Variants in FTO observed in about 807,000 individuals in gnomAD.
FTO encodes the protein FTO alpha-ketoglutarate dependent dioxygenase.
A neutral mutation model predicts 63.9 loss-of-function variants in FTO; 47 were observed. That is an observed-to-expected ratio of 0.74 (90% CI 0.58 to 0.94). The LOEUF is 0.94. Ranked by LOEUF, FTO falls within the 40% of genes least tolerant of loss-of-function variation. The pLI, the probability that FTO is intolerant of heterozygous loss-of-function variation, is 0.00. For synonymous variants in FTO, 207 were observed against 224.4 expected, an observed-to-expected ratio of 0.92 and a Z score of 0.69; for missense variants, 562 against 618.1, an observed-to-expected ratio of 0.91 and a Z score of 0.96.
In FTO at chr16:53,760,077, A is replaced by G. The variant is rs559581647; in HGVS notation, c.46-50063A>G. Among the ~76,000 whole-genome samples, 7 of 152,184 alleles carry G rather than the reference A, an allele frequency of 4.6e-5. No homozygotes were observed. The South Asian group carries it at 1.5e-3, about 32-fold the overall frequency. On this transcript the variant is annotated intron_variant, in intron 1 of 8. Transcript: ENST00000471389. The stretch of plus-strand genomic sequence containing the variant: ...GTTTTCAGCTTCATGGTTGAAATGC[A>G]CCTTCCTTCAGAAGTTCCTGGTTAT...
intron 8 of FTO, chr16:53,937,178 T>C (rs1241892827): frequency 2.5e-6 from 1 of 398,424 alleles, no homozygotes; most frequent in Non-Finnish European, 4.4e-6. Context: ...GGTTTCCTTC[T>C]CCAAGCTTCG....
chr16:53,865,961 T>C lies in FTO; in HGVS notation c.896-7825T>C, dbSNP rs73607641. 1.3e-3 allele frequency among the ~76,000 whole-genome samples: 192 copies of C among 152,314 alleles called. 1 individual carries two copies. Among genetic ancestry groups the C allele is most frequent in the African/African-American group, 4.5e-3 (188 of 41,570 alleles). ...TGAAAAGGAATGTTGAGAGGAGACA[T>C]CCTTGTCTTTTTCTTACTCTGAGCA... is the stretch of plus-strand genomic sequence containing the variant. On this transcript the variant is annotated intron_variant, in intron 4 of 8. Coordinates refer to ENST00000471389, the MANE Select transcript of FTO (RefSeq NM_001080432.3).
intron 8 of FTO, among the ~76,000 whole-genome samples, chr16:54,065,197 A>C (rs1277341132): frequency 2.7e-5 from 4 of 150,064 alleles, no homozygotes; most frequent in Non-Finnish European, 4.4e-5. Flanking sequence ...TTGCTCCATC[A>C]TCCAGTCTGG....
At chr16:54,029,242 A>G (rs138876997) in intron 8 of FTO, among the ~76,000 whole-genome samples, 21 of 152,348 alleles carry the variant, frequency 1.4e-4, no homozygotes, top group African/African-American at 4.3e-4. Flanking sequence ...TCACTAAATG[A>G]ATGCTAGCCA....
intron 1 of FTO, among the ~76,000 whole-genome samples, chr16:53,776,490 C>T (rs562464788): frequency 6.6e-6 from 1 of 151,906 alleles, no homozygotes; most frequent in South Asian, 2.1e-4. Flanking sequence ...GCTTCAGAAC[C>T]CTTTTATACT....
At position 53,709,725 on chromosome 16, in the gene FTO, C is replaced by A. The variant is rs2075720614; in HGVS notation, c.45+5496C>A. Among the ~76,000 whole-genome samples the A allele has an allele frequency of 3.3e-5, 5 of 152,172 alleles. No individual in the cohort carries two copies. In the South Asian group the frequency reaches 1.0e-3, roughly 31 times the overall value. ...CTGTTTGTCCATATTCACAGGTTAA[C>A]ATCTTGCTGTGTTCACTTTATTGCT... is the stretch of plus-strand genomic sequence containing the variant. On this transcript the variant is annotated intron_variant, in intron 1 of 8. Transcript: ENST00000471389.
intron 8 of FTO, among the ~76,000 whole-genome samples, chr16:54,027,653 A>G (rs1296330754): frequency 1.3e-5 from 2 of 152,134 alleles, no homozygotes; most frequent in Non-Finnish European, 2.9e-5. Flanking sequence ...CCCAGAGACA[A>G]GAAGAGTAAT....
intron 8 of FTO, among the ~76,000 whole-genome samples, chr16:54,020,135 G>T (rs541451984): frequency 7.2e-5 from 11 of 152,204 alleles, no homozygotes; most frequent in African/African-American, 2.4e-4. Flanking sequence ...ACATGTTCCT[G>T]GATTGAAGAA....
intron 6 of FTO, among the ~76,000 whole-genome samples, chr16:53,884,455 T>A (rs765573060): frequency 1.3e-5 from 2 of 152,202 alleles, no homozygotes; most frequent in African/African-American, 2.4e-5. Context: ...AGCCTTACCA[T>A]GTCTTCCTGG....
At chr16:54,003,968 A>G (rs529385584) in intron 8 of FTO, among the ~76,000 whole-genome samples, 1 of 152,282 alleles carries the variant, frequency 6.6e-6, no homozygotes, top group East Asian at 1.9e-4. Flanking sequence ...TCAATTTTTG[A>G]TAAGGTAAAA....
intron 8 of FTO, among the ~76,000 whole-genome samples, chr16:53,942,812 C>T (rs533547003): frequency 3.7e-4 from 57 of 152,306 alleles, no homozygotes; most frequent in Middle Eastern, 3.4e-3. Flanking sequence ...CATCGGACCA[C>T]GTCAGCTGCT....
At chr16:54,036,638 C>T (rs1485835394) in intron 8 of FTO, among the ~76,000 whole-genome samples, 3 of 152,194 alleles carry the variant, frequency 2.0e-5, no homozygotes, top group African/African-American at 7.2e-5. Flanking sequence ...AGCCTTTGTG[C>T]TAAGCAGGAG....
chr16:53,980,843 A>G (rs1821200181), intron 8 of FTO, among the ~76,000 whole-genome samples: 1 of 152,210 alleles, frequency 6.6e-6, no homozygotes, highest in Non-Finnish European at 1.5e-5. Context: ...TCTTTCCCAA[A>G]GCAACCATAA....
chr16:53,838,525 GGTC>G (rs2079373781), intron 3 of FTO, among the ~76,000 whole-genome samples: 19 of 151,848 alleles, frequency 1.3e-4, no homozygotes, highest in Admixed American at 1.1e-3. Context: ...TGGCCAGGCT[GGTC>G]TTGAACTCCT....
At chr16:53,954,476 C>A (rs941315907) in intron 8 of FTO, among the ~76,000 whole-genome samples, 14 of 152,026 alleles carry the variant, frequency 9.2e-5, no homozygotes, top group Non-Finnish European at 4.4e-5. Flanking sequence ...TTCATGATGT[C>A]ACTATCATTA....
chr16:53,870,133 A>G (rs545833713), intron 4 of FTO, among the ~76,000 whole-genome samples: 1 of 152,286 alleles, frequency 6.6e-6, no homozygotes, highest in Admixed American at 6.5e-5. Context: ...AGCAGGGGCT[A>G]GGAGTTCTAG....
At chr16:53,906,537 T>G (rs1267405342) in intron 7 of FTO, among the ~76,000 whole-genome samples, 3 of 152,146 alleles carry the variant, frequency 2.0e-5, no homozygotes, top group Admixed American at 2.0e-4. Flanking sequence ...AAGATGATGT[T>G]GATAACTATA....
intron 8 of FTO, among the ~76,000 whole-genome samples, chr16:53,974,103 T>C (rs1805895139): frequency 6.6e-6 from 1 of 152,150 alleles, no homozygotes; most frequent in South Asian, 2.1e-4. Flanking sequence ...TCTCTGAACT[T>C]TGGGCTTCTT....
chr16:53,880,937 TA>T (rs34062544), intron 6 of FTO, among the ~76,000 whole-genome samples: 9,618 of 67,570 alleles, frequency 0.14, 429 homozygotes, highest in South Asian at 0.35. Flanking sequence ...CCGTCTCTAC[TA>T]AAAAAAAAAA....
Sources: gnomAD v4.1 joint callset for allele counts (sites outside exome capture counted in the v4.1 genomes callset) on GRCh38, gnomAD v4.1.1 for gene constraint, MANE v1.5 for transcripts, NCBI Gene and HGNC (gene_info 2026-07-23, HGNC 2026-07-21) for gene names.